Variants in CASD1 observed in about 807,000 individuals in gnomAD.
CASD1 encodes the protein CAS1 domain sialic acid O acetyltransferase 1.
A neutral mutation model predicts 100.0 loss-of-function variants in CASD1; 41 were observed. The observed-to-expected ratio is 0.41, with a 90% CI of 0.32 to 0.53. CASD1 has a LOEUF of 0.53. Among genes scored for constraint, CASD1 ranks in the 20% least tolerant of loss-of-function variants. The pLI, the probability that CASD1 is intolerant of heterozygous loss-of-function variation, is 0.25. For missense variants in CASD1, 774 were observed against 948.7 expected, an observed-to-expected ratio of 0.82 and a Z score of 2.42; for synonymous variants, 321 against 315.6, an observed-to-expected ratio of 1.02 and a Z score of -0.18.
intron 11 of CASD1, among the ~76,000 whole-genome samples, chr7:94,545,120 G>C (rs1390089258): frequency 6.6e-6 from 1 of 152,088 alleles, no homozygotes; most frequent in Admixed American, 6.6e-5. Context: ...TGAGTTTTGA[G>C]TAATACTATT....
chr7:94,516,881 C>G, intron 1 of CASD1, among the ~76,000 whole-genome samples: 1 of 151,376 alleles, frequency 6.6e-6, no homozygotes, highest in South Asian at 2.1e-4. Flanking sequence ...TTTCCAAAGT[C>G]GTGTCTTTTA....
intron 5 of CASD1, among the ~76,000 whole-genome samples, chr7:94,531,948 T>G (rs1206450073): frequency 6.6e-6 from 1 of 152,244 alleles, no homozygotes; most frequent in East Asian, 1.9e-4. Context: ...TAATATCATC[T>G]TGCCTGCCCC....
At chr7:94,574,037 A>T in the CASD1 span, among the ~76,000 whole-genome samples, 3 of 152,046 alleles carry the variant, frequency 2.0e-5, no homozygotes, top group Non-Finnish European at 4.4e-5. Flanking sequence ...ACATTTATTG[A>T]TTTGTGTATG....
At chr7:94,530,988 A>G (rs1794823796) in intron 5 of CASD1, among the ~76,000 whole-genome samples, 1 of 152,186 alleles carries the variant, frequency 6.6e-6, no homozygotes, top group Non-Finnish European at 1.5e-5. Flanking sequence ...TCCAGAGTTC[A>G]CTAATGGGCT....
Position 94,547,085 on chromosome 7 carries a change from TTC to T in CASD1, c.1634-5_1634-4del. On this transcript the variant is annotated splice_polypyrimidine_tract_variant and intron_variant, in intron 12 of 17. Coordinates refer to ENST00000297273, the MANE Select transcript of CASD1 (RefSeq NM_022900.5). ...TTTATTTTTTAGTAAATTAAATATT[TTC>T]TCTCTTAGGAAATTGTTTCTGGCAT... The T allele has an allele frequency of 6.5e-7, 1 of 1,539,932 alleles. No individual in the cohort carries two copies. Among genetic ancestry groups the T allele is most frequent in the Non-Finnish European group, 8.8e-7 (1 of 1,130,882 alleles).
intron 11 of CASD1, 144 bp from the exon 12 acceptor site, chr7:94,545,401 G>C (rs985405378): frequency 2.4e-5 from 12 of 506,532 alleles, no homozygotes; most frequent in Non-Finnish European, 2.5e-5. Context: ...GTAATTTAAG[G>C]GATTAGTAAT....
rs1166685035 is a variant in CASD1 at position 94,556,199 on chromosome 7, C to CA, written c.*442dup. ...GTATTCATTGTGGAACTTCCTCTTT[C>CA]ATTGGAAACTTTCTTACTCAAGAAT... On this transcript the variant is annotated 3_prime_UTR_variant, in exon 18 of 18. Coordinates refer to ENST00000297273, the MANE Select transcript of CASD1 (RefSeq NM_022900.5). 2 of 154,780 alleles carry CA rather than the reference C, an allele frequency of 1.3e-5. No individual in the cohort carries two copies. The highest frequency in any genetic ancestry group is 2.9e-5 in the Non-Finnish European group (2 of 69,760). The allele number at this position is 154,780 out of a possible 1,614,324, so 9.6% of individuals were successfully genotyped here.
chr7:94,588,362 T>A, the CASD1 span: 1 of 1,130,094 alleles, frequency 8.8e-7, no homozygotes, highest in Non-Finnish European at 1.1e-6. Flanking sequence ...AAATCCTGGA[T>A]GCATCCAAGC....
At chr7:94,541,452 T>G (rs62465720) in intron 10 of CASD1, among the ~76,000 whole-genome samples, 11,770 of 150,354 alleles carry the variant, frequency 0.078, 668 homozygotes, top group Non-Finnish European at 0.11. Context: ...GTATAATATA[T>G]ATGAAATATA....
At chr7:94,603,885 T>G in the CASD1 span, among the ~76,000 whole-genome samples, 1 of 152,128 alleles carries the variant, frequency 6.6e-6, no homozygotes, top group African/African-American at 2.4e-5. Context: ...CTTAATTTTC[T>G]TGTAATAAAA....
the CASD1 span, chr7:94,587,632 A>G: frequency 6.3e-6 from 9 of 1,436,286 alleles, no homozygotes; most frequent in African/African-American, 1.1e-4. Context: ...CTGAATGCTT[A>G]CAAAGTAGCA....
chr7:94,529,684 A>G (rs186202015), intron 5 of CASD1, among the ~76,000 whole-genome samples: 1 of 152,286 alleles, frequency 6.6e-6, no homozygotes, highest in East Asian at 1.9e-4. Context: ...CTCCAGTCTC[A>G]GCCCTCAAGG....
chr7:94,563,348 T>G, the CASD1 span, among the ~76,000 whole-genome samples: 1 of 152,118 alleles, frequency 6.6e-6, no homozygotes, highest in African/African-American at 2.4e-5. Flanking sequence ...TCTGGAAAAC[T>G]CTTATACATA....
chr7:94,630,972 G>A, the CASD1 span, among the ~76,000 whole-genome samples: 28 of 152,000 alleles, frequency 1.8e-4, no homozygotes, highest in African/African-American at 6.3e-4. Flanking sequence ...CCTGCAGTTC[G>A]GTGGATGGCT....
At chr7:94,625,048 CTTA>C in the CASD1 span, 1 of 151,876 alleles carries the variant, frequency 6.6e-6, no homozygotes, top group African/African-American at 2.4e-5. Flanking sequence ...TCAGATTTTA[CTTA>C]TTATGATGAT....
chr7:94,615,977 G>C, the CASD1 span, among the ~76,000 whole-genome samples: 1 of 152,346 alleles, frequency 6.6e-6, no homozygotes, highest in East Asian at 1.9e-4. Flanking sequence ...TCTGGCAAGT[G>C]AAAATGAATC....
the CASD1 span, chr7:94,598,073 A>G: frequency 6.4e-6 from 1 of 157,348 alleles, no homozygotes; most frequent in Middle Eastern, 5.3e-4. Context: ...ATTCCCTTAT[A>G]TAAAAATGTG....
At chr7:94,533,285 G>A in intron 6 of CASD1, 36 bp downstream of exon 6, 1 of 1,558,824 alleles carries the variant, frequency 6.4e-7, no homozygotes, top group Non-Finnish European at 8.8e-7. Flanking sequence ...TAATGATTTT[G>A]TTTCACGTTT....
chr7:94,543,451 C>G (rs370420446), intron 10 of CASD1, among the ~76,000 whole-genome samples: 2 of 151,990 alleles, frequency 1.3e-5, no homozygotes, highest in East Asian at 1.9e-4. Context: ...GTCAGGAGTT[C>G]GAGACCAGCC....
Sources: allele counts gnomAD v4.1 joint callset (sites outside exome capture counted in the v4.1 genomes callset), GRCh38; gene constraint gnomAD v4.1.1; transcripts MANE v1.5; gene names NCBI Gene and HGNC (gene_info 2026-07-23, HGNC 2026-07-21).